Variants in LAPTM4B observed in about 807,000 individuals in gnomAD.
LAPTM4B encodes lysosomal protein transmembrane 4 beta, also known as lysosomal-associated transmembrane protein 4B.
Under a neutral mutation model 28.5 loss-of-function variants are expected in LAPTM4B, and 26 were observed. The observed-to-expected ratio is 0.91, with a 90% CI of 0.67 to 1.27. The LOEUF (loss-of-function observed/expected upper bound fraction) is 1.27, where lower values mean the gene tolerates loss of function less well. Among genes scored for constraint, LAPTM4B ranks in the 50% most tolerant of loss-of-function variants. The pLI is 0.00. For missense variants in LAPTM4B, 288 were observed against 285.8 expected (o/e 1.01, Z -0.06); for synonymous variants, 109 against 106.4 (o/e 1.02, Z -0.15).
At chr8:97,821,167 C>G (rs983488585) in intron 5 of LAPTM4B, among the ~76,000 whole-genome samples, 4 of 117,006 alleles carry the variant, frequency 3.4e-5, no homozygotes, top group African/African-American at 1.2e-4. Flanking sequence ...GAAACCCTGT[C>G]TCTATAAAAA....
Position 97,820,385 on chromosome 8 carries a change from A to T in LAPTM4B, c.507+1147A>T, listed in dbSNP as rs148856476. ...CTTGGTTTCCCAAAGTTTTGGGATT[A>T]CAGGTGTGAACCACTGCACCCAGCA... On this transcript the variant is annotated intron_variant, in intron 5 of 6. Transcript: ENST00000521545. Among the ~76,000 whole-genome samples, 17 of 139,630 alleles carry T rather than the reference A, an allele frequency of 1.2e-4. No homozygotes were observed. In the East Asian group the frequency reaches 3.6e-3, roughly 30 times the overall value. The allele number at this position is 139,630 out of a possible 152,430, so 91.6% of individuals were successfully genotyped here.
chr8:97,843,764 G>A (rs1049144083), intron 6 of LAPTM4B, among the ~76,000 whole-genome samples: 3 of 149,492 alleles, frequency 2.0e-5, no homozygotes, highest in Middle Eastern at 3.4e-3. Context: ...GGGGCAACAA[G>A]AGCGAAACTC....
intron 1 of LAPTM4B, among the ~76,000 whole-genome samples, chr8:97,794,871 G>A (rs897518401): frequency 6.6e-6 from 1 of 152,000 alleles, no homozygotes; most frequent in Non-Finnish European, 1.5e-5. Context: ...CCGCCACCAT[G>A]CCCGGCTAAT....
At chr8:97,827,656 C>T (rs535043838) in intron 6 of LAPTM4B, among the ~76,000 whole-genome samples, 2 of 152,050 alleles carry the variant, frequency 1.3e-5, no homozygotes, top group Non-Finnish European at 2.9e-5. Flanking sequence ...ACACTGTTTC[C>T]AGGTAGATAG....
chr8:97,820,729 CTTG>C (rs201192350), intron 5 of LAPTM4B, among the ~76,000 whole-genome samples: 4,838 of 151,530 alleles, frequency 0.032, 121 homozygotes, highest in Middle Eastern at 0.082. Flanking sequence ...GAGACCCCGT[CTTG>C]TTGTTGTTGT....
intron 1 of LAPTM4B, among the ~76,000 whole-genome samples, chr8:97,776,484 G>A (rs1256075817): frequency 6.6e-6 from 1 of 152,270 alleles, no homozygotes; most frequent in Non-Finnish European, 1.5e-5. Context: ...TAAAGCCCGT[G>A]GGCTTTGTGT....
In LAPTM4B at chr8:97,827,392, C is replaced by T. The variant is rs144170121; in HGVS notation, c.603+2239C>T. On this transcript the variant is annotated intron_variant, in intron 6 of 6. Coordinates refer to ENST00000521545, the MANE Select transcript of LAPTM4B (RefSeq NM_018407.6). Reference sequence around the variant, plus strand: ...GGGATAGCTGAACTCCTGGAGGTTCCTTGAGGGTGGTACACCCAGGAAGGG... The same window carrying T: ...GGGATAGCTGAACTCCTGGAGGTTCTTTGAGGGTGGTACACCCAGGAAGGG... Among the ~76,000 whole-genome samples, 20 of 152,314 alleles carry T rather than the reference C, an allele frequency of 1.3e-4. No homozygotes were observed. The East Asian group carries it at 3.7e-3, about 28-fold the overall frequency.
At chr8:97,800,934 A>G (rs1816666614) in intron 1 of LAPTM4B, among the ~76,000 whole-genome samples, 1 of 151,974 alleles carries the variant, frequency 6.6e-6, no homozygotes. Context: ...CAACATAGTG[A>G]CACACCCCAT....
chr8:97,787,661 A>C (rs1398162590), intron 1 of LAPTM4B, among the ~76,000 whole-genome samples: 1 of 152,210 alleles, frequency 6.6e-6, no homozygotes. Flanking sequence ...AAAGAATACA[A>C]GTCCTTTAAC....
chr8:97,793,612 G>A (rs1391297439), intron 1 of LAPTM4B, among the ~76,000 whole-genome samples: 1 of 152,144 alleles, frequency 6.6e-6, no homozygotes, highest in African/African-American at 2.4e-5. Context: ...ACACTTCAGC[G>A]ATAGAGAATT....
chr8:97,778,978 C>T (rs1586316146), intron 1 of LAPTM4B, among the ~76,000 whole-genome samples: 1 of 152,156 alleles, frequency 6.6e-6, no homozygotes, highest in Non-Finnish European at 1.5e-5. Context: ...CACTGTAAAA[C>T]GAGGCACCTT....
chr8:97,798,311 C>G (rs1196945621), intron 1 of LAPTM4B, among the ~76,000 whole-genome samples: 87 of 152,150 alleles, frequency 5.7e-4, no homozygotes, highest in Non-Finnish European at 2.4e-4. Context: ...TCCCCATTTT[C>G]TATTCACATC....
At chr8:97,827,957 AGG>A (rs1193784074) in intron 6 of LAPTM4B, among the ~76,000 whole-genome samples, 38 of 152,266 alleles carry the variant, frequency 2.5e-4, no homozygotes, top group African/African-American at 8.4e-4. Flanking sequence ...GAATGTTGCA[AGG>A]TTGGCTAATA....
intron 6 of LAPTM4B, among the ~76,000 whole-genome samples, chr8:97,850,254 C>T (rs1270830337): frequency 6.6e-6 from 1 of 151,936 alleles, no homozygotes; most frequent in Non-Finnish European, 1.5e-5. Context: ...CTAGCCAGTA[C>T]AGGTGCCCTC....
chr8:97,832,915 A>G (rs761691520), intron 6 of LAPTM4B, among the ~76,000 whole-genome samples: 52 of 149,236 alleles, frequency 3.5e-4, no homozygotes, highest in Non-Finnish European at 7.0e-4. Context: ...CATGTTGGCC[A>G]GGCTGGTCTC....
At chr8:97,800,876 C>G (rs932999367) in intron 1 of LAPTM4B, among the ~76,000 whole-genome samples, 94 of 152,144 alleles carry the variant, frequency 6.2e-4, no homozygotes, top group African/African-American at 1.9e-3. Context: ...CTTCGGGAGG[C>G]CGGGGCAGGA....
chr8:97,837,433 T>C lies in LAPTM4B; in HGVS notation c.603+12280T>C, dbSNP rs544290761. Among the ~76,000 whole-genome samples the C allele has an allele frequency of 5.4e-3, 824 of 152,264 alleles. 7 individuals are homozygous for C. The highest frequency in any genetic ancestry group is 0.019 in the African/African-American group (787 of 41,560). ...GTCTGAAACTCCTGACCTCAGGTGA[T>C]CCACCTGCCTTGGCCACCCGAAGTG... On this transcript the variant is annotated intron_variant, in intron 6 of 6. Coordinates refer to ENST00000521545, the MANE Select transcript of LAPTM4B (RefSeq NM_018407.6).
chr8:97,790,248 A>C (rs1026320396), intron 1 of LAPTM4B, among the ~76,000 whole-genome samples: 2 of 151,290 alleles, frequency 1.3e-5, no homozygotes, highest in African/African-American at 4.9e-5. Context: ...GGATTGCTGC[A>C]TTGTATGATA....
At chr8:97,787,875 C>T (rs1816430725) in intron 1 of LAPTM4B, among the ~76,000 whole-genome samples, 1 of 152,176 alleles carries the variant, frequency 6.6e-6, no homozygotes, top group South Asian at 2.1e-4. Flanking sequence ...CTTTGTCGCC[C>T]AGGCTGGAGA....
Sources: allele counts gnomAD v4.1 joint callset (sites outside exome capture counted in the v4.1 genomes callset), GRCh38; gene constraint gnomAD v4.1.1; transcripts MANE v1.5; gene names NCBI Gene and HGNC (gene_info 2026-07-23, HGNC 2026-07-21).